The following ARRB1 variants were observed in gnomAD, a reference collection of about 807,000 sequenced individuals.
ARRB1 encodes beta-arrestin-1.
ARRB1 carries 21 observed loss-of-function variants against 56.8 expected under a neutral mutation model. The ratio of observed to expected loss-of-function variants is 0.37; its 90% confidence interval spans 0.26 to 0.53. The LOEUF is 0.53. Among genes scored for constraint, ARRB1 ranks in the 20% least tolerant of loss-of-function variants. The pLI is 0.88. For synonymous variants in ARRB1, 210 were observed against 218.6 expected (o/e 0.96, Z 0.35); for missense variants, 424 against 553.7 (o/e 0.77, Z 2.35).
chr11:75,287,040 T>G (rs939968000), intron 3 of ARRB1, among the ~76,000 whole-genome samples: 2 of 152,170 alleles, frequency 1.3e-5, no homozygotes, highest in African/African-American at 4.8e-5. Flanking sequence ...ACACGCCTTA[T>G]AGTAAGTGGC....
intron 4 of ARRB1, among the ~76,000 whole-genome samples, chr11:75,283,788 G>T (rs1012980476): frequency 2.0e-5 from 3 of 152,094 alleles, no homozygotes; most frequent in Non-Finnish European, 2.9e-5. Flanking sequence ...GCGGGGGCTG[G>T]AGTAGTCTGG....
intron 1 of ARRB1, among the ~76,000 whole-genome samples, chr11:75,309,380 T>C (rs750940569): frequency 1.5e-4 from 23 of 152,372 alleles, no homozygotes; most frequent in Non-Finnish European, 3.1e-4. Context: ...GGGCAAGGCC[T>C]GTGCTTGGCA....
chr11:75,334,095 G>A (rs1947563950), intron 1 of ARRB1, among the ~76,000 whole-genome samples: 1 of 152,126 alleles, frequency 6.6e-6, no homozygotes, highest in Admixed American at 6.5e-5. Context: ...ACTTTGGGAG[G>A]CCCAGGTGGG....
chr11:75,323,874 A>G (rs567727250), intron 1 of ARRB1, among the ~76,000 whole-genome samples: 2 of 152,324 alleles, frequency 1.3e-5, no homozygotes, highest in South Asian at 4.1e-4. Flanking sequence ...TGTAAATACC[A>G]AAGAAGGGGC....
intron 1 of ARRB1, 141 bp downstream of exon 1, chr11:75,351,447 G>A (rs1327374313): frequency 1.5e-6 from 2 of 1,312,212 alleles, no homozygotes; most frequent in South Asian, 1.5e-5. Flanking sequence ...GACCACACAG[G>A]AGACCTCGGG....
chr11:75,287,283 C>T, intron 3 of ARRB1, 32 bp downstream of exon 3: 1 of 1,545,222 alleles, frequency 6.5e-7, no homozygotes. Flanking sequence ...CACATCTTCC[C>T]CCAGCCCTCC....
Position 75,331,787 on chromosome 11 carries a change from C to T in ARRB1, c.20+19801G>A, listed in dbSNP as rs1468857762. Among the ~76,000 whole-genome samples the T allele has an allele frequency of 2.6e-5, 4 of 151,730 alleles. 1 individual carries two copies. In the South Asian group the frequency reaches 6.3e-4, roughly 24 times the overall value. ...GTTTGGTGGTCTCTTCACACGGACT[C>T]GAGTGAAACTCATCAGTTGGGTTTT... On this transcript the variant is annotated intron_variant, in intron 1 of 15. Transcript: ENST00000420843.
chr11:75,283,540 C>T (rs1946399335), intron 4 of ARRB1, 57 bp from the exon 5 acceptor site: 3 of 1,500,974 alleles, frequency 2.0e-6, no homozygotes, highest in African/African-American at 1.4e-5. Flanking sequence ...GCGAGCCCCC[C>T]AGAGTGCCGG....
intron 3 of ARRB1, 72 bp downstream of exon 3, chr11:75,287,243 T>C: frequency 6.7e-7 from 1 of 1,487,136 alleles, no homozygotes; most frequent in Non-Finnish European, 9.1e-7. Flanking sequence ...TCTGGAGAGC[T>C]GAGAGCTATT....
chr11:75,302,744 T>C (rs1214906419), intron 1 of ARRB1, among the ~76,000 whole-genome samples: 1 of 152,150 alleles, frequency 6.6e-6, no homozygotes, highest in Non-Finnish European at 1.5e-5. Context: ...CAGTAGTGAC[T>C]CAACACAGGG....
chr11:75,283,234 C>A, intron 5 of ARRB1, 53 bp downstream of exon 5: 1 of 1,542,004 alleles, frequency 6.5e-7, no homozygotes, highest in East Asian at 2.3e-5. Flanking sequence ...CCCCAGAGGG[C>A]TTCCTAGAGG....
At position 75,278,763 on chromosome 11, in the gene ARRB1, G is replaced by A. The variant is rs1359510767; in HGVS notation, c.483-19C>T. 2 of 1,594,976 alleles carry A rather than the reference G, an allele frequency of 1.3e-6. No homozygotes were observed. Among genetic ancestry groups the A allele is most frequent in the African/African-American group, 1.3e-5 (1 of 74,430 alleles). On this transcript the variant is annotated intron_variant, in intron 7 of 15. Coordinates refer to ENST00000420843, the MANE Select transcript of ARRB1 (RefSeq NM_004041.5). Reference sequence around the variant, plus strand: ...AGAATTCCTAATGGAGATGGGCGGAGTGAAAGAGGACCAGGGTCACCTGCC... The same window carrying A: ...AGAATTCCTAATGGAGATGGGCGGAATGAAAGAGGACCAGGGTCACCTGCC...
intron 1 of ARRB1, among the ~76,000 whole-genome samples, chr11:75,336,881 T>A (rs1181326068): frequency 6.6e-6 from 1 of 152,162 alleles, no homozygotes; most frequent in African/African-American, 2.4e-5. Context: ...CTCAGAAAGG[T>A]GGCACAATGT....
intron 1 of ARRB1, among the ~76,000 whole-genome samples, chr11:75,295,001 A>T (rs1946699020): frequency 6.6e-6 from 1 of 152,102 alleles, no homozygotes; most frequent in African/African-American, 2.4e-5. Context: ...ACATGGGAGG[A>T]TCACTTGAGT....
Position 75,266,268 on chromosome 11 carries a change from G to A in ARRB1, c.1152C>T (p.Asp384=), listed in dbSNP as rs138440993. 449 of 1,613,446 alleles carry A rather than the reference G, an allele frequency of 2.8e-4. 1 individual carries two copies. The highest frequency in any genetic ancestry group is 3.7e-4 in the Non-Finnish European group (435 of 1,179,358). ...GAGCAAAGTCCTCAAATACAATGTC[G>A]TCATCACTGGTGGGAGAGACAAGGA... ...TNLIELDTND[D]DIVFEDFARQ... Residue 384 remains aspartate (D), a synonymous_variant, in exon 16 of 16, where the codon GAC becomes GAT. Coordinates refer to ENST00000420843, the MANE Select transcript of ARRB1 (RefSeq NM_004041.5).
chr11:75,271,556 C>T, intron 13 of ARRB1, 145 bp downstream of exon 13: 1 of 856,840 alleles, frequency 1.2e-6, no homozygotes, highest in East Asian at 3.0e-5. Flanking sequence ...GAAATTGTGT[C>T]TCCCAGCTCA....
At position 75,260,466 on chromosome 11, in the gene ARRB1, A is replaced by G. The variant is rs1168309270; in HGVS notation, c.*5697T>C. ...ATGGCACTTCCTATGCTCGTTCCCA[A>G]GTGCTCTGCTCATCTGCCATGCAGG... On this transcript the variant is annotated 3_prime_UTR_variant, in exon 16 of 16. Transcript: ENST00000420843. 2 of 152,178 alleles carry G rather than the reference A, an allele frequency of 1.3e-5. No homozygotes were observed. The highest frequency in any genetic ancestry group is 3.9e-4 in the East Asian group (2 of 5,190). 9.4% of individuals were successfully genotyped at this position (152,178 alleles called of 1,614,324 possible). A position where few individuals can be genotyped will look rare whatever the true frequency, so the allele number is the denominator to read the frequency against.
At chr11:75,333,984 C>T (rs1947561491) in intron 1 of ARRB1, among the ~76,000 whole-genome samples, 1 of 152,160 alleles carries the variant, frequency 6.6e-6, no homozygotes, top group South Asian at 2.1e-4. Context: ...CTGACCCAGT[C>T]CCAGGAGCAG....
chr11:75,301,814 G>T (rs993893062), intron 1 of ARRB1, among the ~76,000 whole-genome samples: 7 of 152,130 alleles, frequency 4.6e-5, no homozygotes, highest in Non-Finnish European at 7.4e-5. Context: ...GAATTTCCCA[G>T]CCCTCCCTGT....
Sources: gnomAD v4.1 joint callset for allele counts (sites outside exome capture counted in the v4.1 genomes callset) on GRCh38, gnomAD v4.1.1 for gene constraint, MANE v1.5 for transcripts, NCBI Gene and HGNC (gene_info 2026-07-23, HGNC 2026-07-21) for gene names.